SPHKAP: variants seen among roughly 807,000 people sequenced by gnomAD.
SPHKAP encodes the protein A-kinase anchor protein SPHKAP.
In SPHKAP, 67 loss-of-function variants were observed where a neutral mutation model predicts 137.5. The observed-to-expected ratio is 0.49, with a 90% confidence interval of 0.40 to 0.60. The LOEUF (loss-of-function observed/expected upper bound fraction) is 0.60, where lower values mean the gene tolerates loss of function less well. SPHKAP is among the 20% of genes least tolerant of loss of function. The pLI is 0.00. For synonymous variants in SPHKAP, 813 were observed against 785.3 expected, an observed-to-expected ratio of 1.04 and a Z score of -0.59; for missense variants, 2,097 against 2,069.3, an observed-to-expected ratio of 1.01 and a Z score of -0.26.
At chr2:228,170,641 T>A (rs4630759) in intron 1 of SPHKAP, among the ~76,000 whole-genome samples, 19,394 of 152,160 alleles carry the variant, frequency 0.13, 1,265 homozygotes, top group East Asian at 0.2. Flanking sequence ...ATAGTTTTTT[T>A]AAATTAAGAT....
intron 1 of SPHKAP, among the ~76,000 whole-genome samples, chr2:228,133,231 C>A (rs1430635825): frequency 2.6e-5 from 4 of 151,914 alleles, no homozygotes; most frequent in African/African-American, 4.8e-5. Context: ...AGCTTGAACC[C>A]AGGAGGTGGA....
chr2:228,000,676 A>G (rs1272026259), intron 7 of SPHKAP, among the ~76,000 whole-genome samples: 1 of 152,108 alleles, frequency 6.6e-6, no homozygotes, highest in East Asian at 1.9e-4. Flanking sequence ...GACAACATTT[A>G]ATAATATGCA....
intron 3 of SPHKAP, among the ~76,000 whole-genome samples, chr2:228,058,350 G>A (rs138418488): frequency 1.3e-5 from 2 of 151,996 alleles, no homozygotes; most frequent in Non-Finnish European, 2.9e-5. Flanking sequence ...TAACCCTCAG[G>A]CTCATTATGC....
chr2:227,995,244 A>G (rs1408106447), intron 8 of SPHKAP, among the ~76,000 whole-genome samples: 1 of 152,198 alleles, frequency 6.6e-6, no homozygotes, highest in Non-Finnish European at 1.5e-5. Flanking sequence ...AGTTGTCATC[A>G]TTGAATGTTC....
At chr2:228,072,060 C>A (rs1398030302) in intron 3 of SPHKAP, among the ~76,000 whole-genome samples, 3 of 152,102 alleles carry the variant, frequency 2.0e-5, no homozygotes, top group African/African-American at 7.2e-5. Flanking sequence ...TCATTGAGGA[C>A]CCTAATAGAA....
At chr2:227,996,437 T>G (rs1183400298) in intron 7 of SPHKAP, among the ~76,000 whole-genome samples, 1 of 152,206 alleles carries the variant, frequency 6.6e-6, no homozygotes, top group Non-Finnish European at 1.5e-5. Context: ...GGTCCCTTCT[T>G]GCCTGGAACC....
At chr2:228,132,517 G>A in intron 1 of SPHKAP, 7 of 879,430 alleles carry the variant, frequency 8.0e-6, no homozygotes, top group Non-Finnish European at 9.5e-6. Context: ...TCTGGACTCA[G>A]AATAGTACCA....
chr2:228,114,333 C>T (rs925789121), intron 2 of SPHKAP, among the ~76,000 whole-genome samples: 1 of 152,020 alleles, frequency 6.6e-6, no homozygotes, highest in African/African-American at 2.4e-5. Context: ...ATTGATTAGA[C>T]AGAGAGGGAG....
intron 1 of SPHKAP, among the ~76,000 whole-genome samples, chr2:228,132,750 C>T (rs1026620694): frequency 6.6e-6 from 1 of 151,526 alleles, no homozygotes; most frequent in African/African-American, 2.4e-5. Flanking sequence ...GTAATCACAA[C>T]ACTTTGGGAA....
At chr2:228,176,300 C>A (rs2106434931) in intron 1 of SPHKAP, among the ~76,000 whole-genome samples, 1 of 152,210 alleles carries the variant, frequency 6.6e-6, no homozygotes, top group African/African-American at 2.4e-5. Flanking sequence ...TGCTTCAGTT[C>A]TTTTAAAGGC....
intron 3 of SPHKAP, among the ~76,000 whole-genome samples, chr2:228,044,879 A>G (rs933604554): frequency 3.9e-5 from 6 of 152,200 alleles, no homozygotes; most frequent in African/African-American, 1.2e-4. Flanking sequence ...AAAATCTACA[A>G]TGAACTCAAA....
chr2:228,132,010 G>GC lies in SPHKAP; in HGVS notation c.107dup (p.Asn39GlufsTer7). 1 of 1,614,018 alleles carries GC rather than the reference G, an allele frequency of 6.2e-7. No homozygotes were observed. Among genetic ancestry groups the GC allele is most frequent in the Non-Finnish European group, 8.5e-7 (1 of 1,179,964 alleles). On this transcript the variant is annotated frameshift_variant, in exon 2 of 12. Transcript: ENST00000392056. LOFTEE classifies it high-confidence loss of function. ...TACAGGCTGTGATGGAGTTCCCCGG[G>GC]CCGCTTCCTGAGCTGCCACAGCCTC...
At chr2:228,071,633 GT>G (rs368437055) in intron 3 of SPHKAP, among the ~76,000 whole-genome samples, 2 of 151,780 alleles carry the variant, frequency 1.3e-5, no homozygotes, top group African/African-American at 2.4e-5. Context: ...TGCAAGGCTT[GT>G]TTTTTTTGTC....
chr2:227,981,622 G>A lies in SPHKAP; in HGVS notation c.*95C>T. The A allele has an allele frequency of 6.9e-7, 1 of 1,442,416 alleles. No individual in the cohort carries two copies. The highest frequency in any genetic ancestry group is 9.3e-7 in the Non-Finnish European group (1 of 1,072,534). The allele number at this position is 1,442,416 out of a possible 1,614,324, so 89.4% of individuals were successfully genotyped here. A position where few individuals can be genotyped will look rare whatever the true frequency, so the allele number is the denominator to read the frequency against. On this transcript the variant is annotated 3_prime_UTR_variant, in exon 12 of 12. Transcript: ENST00000392056. The stretch of plus-strand genomic sequence containing the variant: ...TTTTTTATAGTTCTGCTAATGTGAT[G>A]TGATGTTTTGAGAATGTTTAGAGCA...
At chr2:228,024,605 AT>A (rs1379766407) in intron 5 of SPHKAP, among the ~76,000 whole-genome samples, 1 of 152,024 alleles carries the variant, frequency 6.6e-6, no homozygotes, top group Non-Finnish European at 1.5e-5. Flanking sequence ...GCTTTTTGAG[AT>A]TTTGAAGAGT....
chr2:227,987,649 T>C (rs1693260775), intron 11 of SPHKAP, among the ~76,000 whole-genome samples: 1 of 152,172 alleles, frequency 6.6e-6, no homozygotes, highest in South Asian at 2.1e-4. Flanking sequence ...GTTTGGAATT[T>C]GCCTTTTAAG....
intron 3 of SPHKAP, among the ~76,000 whole-genome samples, chr2:228,076,997 C>A (rs1006748337): frequency 6.6e-6 from 1 of 152,178 alleles, no homozygotes; most frequent in Non-Finnish European, 1.5e-5. Flanking sequence ...TGCATCCCAG[C>A]TGCTCTAGCT....
intron 1 of SPHKAP, among the ~76,000 whole-genome samples, chr2:228,160,812 C>T (rs146726924): frequency 9.7e-4 from 147 of 152,288 alleles, no homozygotes; most frequent in African/African-American, 3.0e-3. Context: ...AACTCAGTGT[C>T]CCTGTCCTTA....
chr2:228,005,984 A>T (rs1463897734), intron 7 of SPHKAP, among the ~76,000 whole-genome samples: 1 of 151,744 alleles, frequency 6.6e-6, no homozygotes, highest in Non-Finnish European at 1.5e-5. Context: ...TTTTTCCTTC[A>T]TTTCTTCTTT....
Sources: allele counts gnomAD v4.1 joint callset (sites outside exome capture counted in the v4.1 genomes callset), GRCh38; gene constraint gnomAD v4.1.1; transcripts MANE v1.5; gene names NCBI Gene and HGNC (gene_info 2026-07-23, HGNC 2026-07-21).